Variants in HTT observed in about 807,000 individuals in gnomAD.
HTT encodes huntingtin.
Under a neutral mutation model 362.3 loss-of-function variants are expected in HTT, and 104 were observed. The observed-to-expected ratio is 0.29, with a 90% CI of 0.24 to 0.34. The LOEUF (loss-of-function observed/expected upper bound fraction) is 0.34, where lower values mean the gene tolerates loss of function less well. Ranked by LOEUF, HTT falls within the 10% of genes least tolerant of loss-of-function variation. The probability of loss-of-function intolerance (pLI) is 1.00; values close to 1 mark genes in which losing one functional copy is unlikely to be tolerated. For synonymous variants in HTT, 1,577 were observed against 1,548.7 expected, an observed-to-expected ratio of 1.02 and a Z score of -0.43; for missense variants, 3,301 against 3,928.6, an observed-to-expected ratio of 0.84 and a Z score of 4.27.
intron 33 of HTT, among the ~76,000 whole-genome samples, chr4:3,176,939 C>T (rs185785062): frequency 3.3e-5 from 5 of 152,126 alleles, no homozygotes; most frequent in Non-Finnish European, 5.9e-5. Context: ...CCTTACGTGT[C>T]GCCTCTCAGA....
At chr4:3,083,601 A>G (rs1017293716) in intron 1 of HTT, among the ~76,000 whole-genome samples, 3 of 151,894 alleles carry the variant, frequency 2.0e-5, no homozygotes, top group African/African-American at 7.3e-5. Context: ...ATATGTATAT[A>G]TATGCATTTA....
At chr4:3,135,618 C>T (rs186787702) in intron 19 of HTT, among the ~76,000 whole-genome samples, 265 of 152,266 alleles carry the variant, frequency 1.7e-3, no homozygotes, top group Admixed American at 2.6e-3. Context: ...CTCACCCCTT[C>T]TGTGGCTTGA....
At chr4:3,238,738 C>T in intron 65 of HTT, 80 bp from the exon 66 acceptor site, 1 of 1,041,932 alleles carries the variant, frequency 9.6e-7, no homozygotes. Flanking sequence ...TGGCCCCCAC[C>T]CCACCCCCGC....
intron 37 of HTT, among the ~76,000 whole-genome samples, chr4:3,183,577 C>G (rs1220026224): frequency 2.0e-5 from 3 of 152,226 alleles, no homozygotes; most frequent in African/African-American, 7.2e-5. Context: ...ACTGCACCCC[C>G]ATTCTGATTT....
chr4:3,216,948 C>T (rs1365421699), intron 51 of HTT, among the ~76,000 whole-genome samples: 1 of 151,110 alleles, frequency 6.6e-6, no homozygotes, highest in Admixed American at 6.6e-5. Context: ...TGGCGTGAAC[C>T]CGGGAGGCGG....
At chr4:3,157,300 T>G in intron 28 of HTT, 101 bp downstream of exon 28, 4 of 1,106,628 alleles carry the variant, frequency 3.6e-6, no homozygotes, top group Non-Finnish European at 5.3e-6. Context: ...ATAAGCCCTT[T>G]GAGATATGAG....
chr4:3,239,674 G>C (rs567536022), intron 66 of HTT, among the ~76,000 whole-genome samples, 172 bp from the exon 67 acceptor site: 2 of 152,330 alleles, frequency 1.3e-5, no homozygotes, highest in Admixed American at 1.3e-4. Context: ...AGGAATGGAG[G>C]TGGAGGCGCT....
chr4:3,074,945 A>C lies in HTT; in HGVS notation c.120A>C (p.Pro40=), dbSNP rs76533208. The C allele has an allele frequency of 3.3e-6, 4 of 1,209,102 alleles. No individual in the cohort carries two copies. Among genetic ancestry groups the C allele is most frequent in the South Asian group, 2.7e-5 (2 of 73,080 alleles). 74.9% of individuals were successfully genotyped at this position (1,209,102 alleles called of 1,614,324 possible). Reference sequence around the variant, plus strand: ...AGCAGCAGCAGCAGCAACAGCCGCCACCGCCGCCGCCGCCGCCGCCGCCTC... The same window carrying C: ...AGCAGCAGCAGCAGCAACAGCCGCCCCCGCCGCCGCCGCCGCCGCCGCCTC... The part of the protein sequence containing the change: ...QQQQQQQQQP[P]PPPPPPPPPQ... The change falls in exon 1 of 67, where the codon CCA becomes CCC. Residue 40 remains proline, a synonymous_variant. Transcript: ENST00000355072.
intron 1 of HTT, among the ~76,000 whole-genome samples, chr4:3,080,382 A>G (rs1712828739): frequency 6.6e-6 from 1 of 152,270 alleles, no homozygotes; most frequent in South Asian, 2.1e-4. Flanking sequence ...GGTTTGGGCC[A>G]CTGCACCCGG....
At position 3,074,876 on chromosome 4, in the gene HTT, C is replaced by CCAGCAGCAGCAGCAG. The variant is rs71180116; in HGVS notation, c.96_110dup (p.Gln34_Gln38dup). The CCAGCAGCAGCAGCAG allele has an allele frequency of 9.0e-3, 12,149 of 1,357,404 alleles. 136 individuals are homozygous for CCAGCAGCAGCAGCAG. Among genetic ancestry groups the CCAGCAGCAGCAGCAG allele is most frequent in the Admixed American group, 0.019 (830 of 43,708 alleles). 84.1% of individuals were successfully genotyped at this position (1,357,404 alleles called of 1,614,324 possible). ...AGGCCTTCGAGTCCCTCAAGTCCTT[C>CCAGCAGCAGCAGCAG]CAGCAGCAGCAGCAGCAGCAGCAGC... On this transcript the variant is annotated inframe_insertion, in exon 1 of 67. Transcript: ENST00000355072.
intron 1 of HTT, among the ~76,000 whole-genome samples, chr4:3,081,797 TC>T (rs1183190322): frequency 6.6e-6 from 1 of 151,842 alleles, no homozygotes; most frequent in East Asian, 1.9e-4. Flanking sequence ...CCTCAGGTGA[TC>T]CACCCGCCTC....
At chr4:3,110,624 A>G (rs1042566141) in intron 6 of HTT, among the ~76,000 whole-genome samples, 2 of 152,158 alleles carry the variant, frequency 1.3e-5, no homozygotes, top group Admixed American at 6.5e-5. Flanking sequence ...TTTTTCCTGT[A>G]CACTTGGCTG....
intron 49 of HTT, 36 bp from the exon 50 acceptor site, chr4:3,213,922 C>T (rs1244666994): frequency 8.1e-6 from 12 of 1,481,810 alleles, no homozygotes; most frequent in African/African-American, 2.8e-5. Context: ...CGAAGGTACA[C>T]GAGTGGGCAT....
chr4:3,187,105 C>T (rs554989454), intron 38 of HTT, among the ~76,000 whole-genome samples: 8 of 151,750 alleles, frequency 5.3e-5, no homozygotes, highest in Middle Eastern at 3.4e-3. Context: ...GTGACCCGCC[C>T]ATCTCAGCCT....
Position 3,182,689 on chromosome 4 carries a change from G to A in HTT, c.4866+219G>A, listed in dbSNP as rs562243163. On this transcript the variant is annotated intron_variant, in intron 37 of 66. Coordinates refer to ENST00000355072, the MANE Select transcript of HTT (RefSeq NM_001388492.1). ...TTTACAGGGGGGATCCCACAGCTCC[G>A]AGAGGTTATGGAGGTGATCAGGCAG... 2.6e-4 allele frequency among the ~76,000 whole-genome samples: 40 copies of A among 152,232 alleles called. 1 individual carries two copies. In the South Asian group the frequency reaches 3.3e-3, roughly 13 times the overall value.
intron 29 of HTT, among the ~76,000 whole-genome samples, chr4:3,171,230 G>A (rs2110230191): frequency 6.6e-6 from 1 of 152,300 alleles, no homozygotes; most frequent in African/African-American, 2.4e-5. Context: ...TTTTAAAAAT[G>A]TGTGGCCCTT....
At chr4:3,095,310 C>G (rs1261823519) in intron 2 of HTT, among the ~76,000 whole-genome samples, 2 of 152,276 alleles carry the variant, frequency 1.3e-5, no homozygotes, top group African/African-American at 4.8e-5. Context: ...AGATCACTTG[C>G]AGTCAGGAGC....
intron 21 of HTT, among the ~76,000 whole-genome samples, chr4:3,137,107 G>A (rs980711910): frequency 2.6e-5 from 4 of 151,762 alleles, no homozygotes; most frequent in South Asian, 2.1e-4. Context: ...AGGGTTTCAC[G>A]ATATTGGCCA....
intron 57 of HTT, among the ~76,000 whole-genome samples, chr4:3,225,957 G>A (rs879758807): frequency 3.3e-5 from 5 of 152,094 alleles, no homozygotes; most frequent in Non-Finnish European, 5.9e-5. Context: ...TTTATGTTCT[G>A]TATTCCAGAA....
Sources: gnomAD v4.1 joint callset for allele counts (sites outside exome capture counted in the v4.1 genomes callset) on GRCh38, gnomAD v4.1.1 for gene constraint, MANE v1.5 for transcripts, NCBI Gene and HGNC (gene_info 2026-07-23, HGNC 2026-07-21) for gene names.